CADPS2: variants seen among roughly 807,000 people sequenced by gnomAD.
CADPS2 encodes calcium dependent secretion activator 2.
A neutral mutation model predicts 172.5 loss-of-function variants in CADPS2; 93 were observed. The ratio of observed to expected loss-of-function variants is 0.54; its 90% CI spans 0.46 to 0.64. The LOEUF (loss-of-function observed/expected upper bound fraction) is 0.64, where lower values mean the gene tolerates loss of function less well. Ranked by LOEUF, CADPS2 falls within the 30% of genes least tolerant of loss-of-function variation. CADPS2 has a pLI of 0.00. For synonymous variants in CADPS2, 546 were observed against 555.2 expected (o/e 0.98, Z 0.23); for missense variants, 1,420 against 1,565.9 (o/e 0.91, Z 1.57).
chr7:122,448,940 A>T (rs10277588), intron 15 of CADPS2, among the ~76,000 whole-genome samples: 4,427 of 152,186 alleles, frequency 0.029, 136 homozygotes, highest in African/African-American at 0.068. Flanking sequence ...AAAAAAAAAT[A>T]AAAAAATTAT....
chr7:122,829,725 T>A lies in CADPS2; in HGVS notation c.339+56274A>T, dbSNP rs6963799. On this transcript the variant is annotated intron_variant, in intron 1 of 29. Transcript: ENST00000449022. ...GTAAAAATATAATTTGAAAGGTGTC[T>A]TTTAAGAAAACATTCAGAAGTAAAA... Among the ~76,000 whole-genome samples the A allele has an allele frequency of 1.2e-3, 176 of 151,688 alleles. 1 individual carries two copies. The highest frequency in any genetic ancestry group is 4.0e-3 in the African/African-American group (167 of 41,468).
intron 2 of CADPS2, among the ~76,000 whole-genome samples, chr7:122,686,904 C>G (rs1335648779): frequency 6.6e-6 from 1 of 152,152 alleles, no homozygotes; most frequent in Non-Finnish European, 1.5e-5. Context: ...AGGCTGGTCT[C>G]AAACTCCTGG....
intron 24 of CADPS2, chr7:122,386,376 G>C: frequency 1.0e-6 from 1 of 998,594 alleles, no homozygotes; most frequent in Non-Finnish European, 1.4e-6. Context: ...ATAAAGAAAT[G>C]AAGAAAAAGT....
intron 29 of CADPS2, among the ~76,000 whole-genome samples, chr7:122,323,217 G>C (rs927033802): frequency 8.5e-5 from 13 of 152,084 alleles, no homozygotes; most frequent in African/African-American, 3.1e-4. Context: ...ATTAAATAGA[G>C]CCCTATGACT....
At chr7:122,629,164 A>T (rs909573476) in intron 4 of CADPS2, 84 bp downstream of exon 4, 1 of 986,188 alleles carries the variant, frequency 1.0e-6, no homozygotes, top group Non-Finnish European at 1.5e-6. Context: ...TTTTTTTTTT[A>T]ACCTATACAA....
intron 27 of CADPS2, among the ~76,000 whole-genome samples, chr7:122,354,580 G>A (rs112122647): frequency 6.6e-6 from 1 of 151,490 alleles, no homozygotes; most frequent in Non-Finnish European, 1.5e-5. Flanking sequence ...CTTTTTTTTT[G>A]GGGGGGAGGG....
intron 27 of CADPS2, among the ~76,000 whole-genome samples, chr7:122,358,619 T>C (rs2151110332): frequency 6.6e-6 from 1 of 152,238 alleles, no homozygotes; most frequent in Non-Finnish European, 1.5e-5. Context: ...TTTCAGTTAA[T>C]TTTTGTGAAA....
At chr7:122,512,361 G>A (rs1433734390) in intron 9 of CADPS2, among the ~76,000 whole-genome samples, 1 of 152,016 alleles carries the variant, frequency 6.6e-6, no homozygotes, top group Non-Finnish European at 1.5e-5. Context: ...AGAATGTTTT[G>A]TGTTAAGAAT....
At chr7:122,559,517 T>C (rs1316901305) in intron 7 of CADPS2, among the ~76,000 whole-genome samples, 1 of 152,096 alleles carries the variant, frequency 6.6e-6, no homozygotes, top group Non-Finnish European at 1.5e-5. Context: ...ATGCCTGTAA[T>C]CCCAGCACTT....
chr7:122,867,508 A>G (rs914657347), intron 1 of CADPS2, among the ~76,000 whole-genome samples: 2 of 152,194 alleles, frequency 1.3e-5, no homozygotes, highest in Non-Finnish European at 2.9e-5. Context: ...CTTGTACAAC[A>G]TATACCCTGC....
rs1242892965 is a variant in CADPS2, at chr7:122,625,274, TC to T, written c.868-3558del. On this transcript the variant is annotated intron_variant, in intron 4 of 29. Coordinates refer to ENST00000449022, the MANE Select transcript of CADPS2 (RefSeq NM_017954.11). ...CATGTTGGTCAGGCTGGTCTCAAAC[TC>T]CCGACCTCAGGTAATCCGCCCGCCT... Among the ~76,000 whole-genome samples, 7 of 152,126 alleles carry T rather than the reference TC, an allele frequency of 4.6e-5. 1 individual carries two copies. Among genetic ancestry groups the T allele is most frequent in the African/African-American group, 1.7e-4 (7 of 41,508 alleles).
intron 16 of CADPS2, 100 bp from the exon 17 acceptor site, chr7:122,438,564 TACAC>T: frequency 3.0e-6 from 4 of 1,350,748 alleles, no homozygotes; most frequent in Non-Finnish European, 3.1e-6. Context: ...AAAGACAAAT[TACAC>T]AAATTGTCCT....
At chr7:122,357,997 A>G (rs1167482618) in intron 27 of CADPS2, among the ~76,000 whole-genome samples, 1 of 152,148 alleles carries the variant, frequency 6.6e-6, no homozygotes. Flanking sequence ...AGTGCAGAGA[A>G]CTGTGATTGG....
At chr7:122,567,058 G>C (rs1012497913) in intron 7 of CADPS2, among the ~76,000 whole-genome samples, 2 of 152,112 alleles carry the variant, frequency 1.3e-5, no homozygotes, top group African/African-American at 4.8e-5. Context: ...GAAGAGATTG[G>C]ATTAAGTGAG....
chr7:122,576,153 G>A (rs931952932), intron 7 of CADPS2, among the ~76,000 whole-genome samples: 1 of 152,090 alleles, frequency 6.6e-6, no homozygotes, highest in African/African-American at 2.4e-5. Flanking sequence ...TTGACAGTCT[G>A]GAAGAGTACT....
intron 28 of CADPS2, chr7:122,331,837 A>G (rs957267010): frequency 6.6e-6 from 1 of 152,186 alleles, no homozygotes; most frequent in Non-Finnish European, 1.5e-5. Flanking sequence ...GTAAAGATTT[A>G]TATCTTATAT....
rs181206958 is a variant in CADPS2, at chr7:122,598,123, C to T, written c.1224-16833G>A. Among the ~76,000 whole-genome samples, 596 of 151,938 alleles carry T rather than the reference C, an allele frequency of 3.9e-3. 6 individuals are homozygous for T. The highest frequency in any genetic ancestry group is 0.014 in the African/African-American group (566 of 41,482). On this transcript the variant is annotated intron_variant, in intron 6 of 29. Coordinates refer to ENST00000449022, the MANE Select transcript of CADPS2 (RefSeq NM_017954.11). ...TTTTCTAGCAATTGTTTTGTGAGTC[C>T]TTATTTCCATAGGCAAAAGTCAGAA...
intron 1 of CADPS2, among the ~76,000 whole-genome samples, chr7:122,829,643 T>C (rs912997663): frequency 1.3e-5 from 2 of 152,192 alleles, no homozygotes; most frequent in Non-Finnish European, 2.9e-5. Context: ...ACTTCACTTT[T>C]AACTTCCAGC....
chr7:122,835,666 C>A (rs936363210), intron 1 of CADPS2, among the ~76,000 whole-genome samples: 11 of 152,062 alleles, frequency 7.2e-5, no homozygotes, highest in Non-Finnish European at 1.6e-4. Flanking sequence ...ATTCAATCAA[C>A]TGGAAGAAAG....
Sources: allele counts gnomAD v4.1 joint callset (sites outside exome capture counted in the v4.1 genomes callset), GRCh38; gene constraint gnomAD v4.1.1; transcripts MANE v1.5; gene names NCBI Gene and HGNC (gene_info 2026-07-23, HGNC 2026-07-21).